ITIH2: variants seen among roughly 807,000 people sequenced by gnomAD.
The protein encoded by ITIH2 is inter-alpha-trypsin inhibitor heavy chain H2.
Under a neutral mutation model 104.4 loss-of-function variants are expected in ITIH2, and 103 were observed. The ratio of observed to expected loss-of-function variants is 0.99; its 90% CI spans 0.84 to 1.16. ITIH2 has a LOEUF of 1.16. Ranked by LOEUF, ITIH2 falls within the 50% of genes most tolerant of loss-of-function variation. ITIH2 has a pLI of 0.00. For missense variants in ITIH2, 1,108 were observed against 1,162.4 expected (o/e 0.95, Z 0.68); for synonymous variants, 436 against 435.4 (o/e 1.00, Z -0.02).
chr10:7,723,053 CATGGAGTGGA>C (rs951789364), intron 8 of ITIH2, among the ~76,000 whole-genome samples: 1 of 132,776 alleles, frequency 7.5e-6, no homozygotes, highest in African/African-American at 2.8e-5. Context: ...AGTGAAGTGG[CATGGAGTGGA>C]GTGGAGCAGC....
At chr10:7,743,288 C>T in intron 17 of ITIH2, 29 bp downstream of exon 17, 1 of 1,154,194 alleles carries the variant, frequency 8.7e-7, no homozygotes, top group Non-Finnish European at 1.3e-6. Flanking sequence ...ATATTTGCAC[C>T]AATTAGGTCA....
chr10:7,717,773 G>A lies in ITIH2; in HGVS notation c.615G>A (p.Leu205=), dbSNP rs370987991. 388 of 1,610,650 alleles carry A rather than the reference G, an allele frequency of 2.4e-4. 1 individual carries two copies. Among genetic ancestry groups the A allele is most frequent in the Middle Eastern group, 6.5e-4 (3 of 4,644 alleles). ...GGATCTATCTGCAACCTGGACGGCTGGCCAAACACTTAGAGGTAAGCCTGG... is the reference window on the plus strand; with the variant it reads ...GGATCTATCTGCAACCTGGACGGCTAGCCAAACACTTAGAGGTAAGCCTGG... ...EHRIYLQPGR[L]AKHLEVDVWV... is the part of the protein sequence containing the mutation. The change falls in exon 6 of 21, where the codon CTG becomes CTA. Residue 205 remains leucine, a synonymous_variant. Transcript: ENST00000358415.
chr10:7,703,446 C>G lies in ITIH2; in HGVS notation c.12C>G (p.Leu4=). 2 of 1,613,604 alleles carry G rather than the reference C, an allele frequency of 1.2e-6. No homozygotes were observed. The highest frequency in any genetic ancestry group is 1.7e-6 in the Non-Finnish European group (2 of 1,179,514). ...AACTGTCCAGCAAAATGAAAAGACT[C>G]ACGTGCTTTTTCATCTGCTTCTTTC... MKR[L]TCFFICFFLS... Residue 4 remains leucine (L), a synonymous_variant, in exon 1 of 21, where the codon CTC becomes CTG. Transcript: ENST00000358415.
At chr10:7,728,743 G>A (rs11255320) in intron 11 of ITIH2, among the ~76,000 whole-genome samples, 21,641 of 151,878 alleles carry the variant, frequency 0.14, 1,595 homozygotes, top group East Asian at 0.21. Context: ...AAGTAATAGC[G>A]AATGCCAGAT....
chr10:7,727,643 T>G, intron 10 of ITIH2, 60 bp from the exon 11 acceptor site: 1 of 1,586,878 alleles, frequency 6.3e-7, no homozygotes, highest in Non-Finnish European at 8.6e-7. Context: ...GAATCCAGAA[T>G]GGGATTTTCT....
intron 7 of ITIH2, 57 bp from the exon 8 acceptor site, chr10:7,721,592 C>T (rs893453179): frequency 1.3e-6 from 2 of 1,546,136 alleles, no homozygotes; most frequent in Non-Finnish European, 1.8e-6. Context: ...GAAGGGGCAG[C>T]GCCAAGCACT....
At chr10:7,747,854 G>A (rs1305521153) in intron 20 of ITIH2, among the ~76,000 whole-genome samples, 4 of 152,116 alleles carry the variant, frequency 2.6e-5, no homozygotes, top group Admixed American at 1.3e-4. Flanking sequence ...ACTTATGATT[G>A]TGCCTCTGCA....
intron 20 of ITIH2, among the ~76,000 whole-genome samples, chr10:7,748,951 A>T (rs1835208229): frequency 6.6e-6 from 1 of 152,100 alleles, no homozygotes; most frequent in Non-Finnish European, 1.5e-5. Flanking sequence ...AAAAGCCCAT[A>T]TAGGTCAACT....
At chr10:7,747,501 G>A (rs549694855) in intron 20 of ITIH2, among the ~76,000 whole-genome samples, 1 of 152,326 alleles carries the variant, frequency 6.6e-6, no homozygotes, top group South Asian at 2.1e-4. Context: ...TGGGAGGAAT[G>A]AGGTACCGAC....
At position 7,738,710 on chromosome 10, in the gene ITIH2, C is replaced by G. The variant is rs1236314958; in HGVS notation, c.2047C>G (p.Gln683Glu). The change falls in exon 16 of 21, where the codon CAA becomes GAA. Residue 683 changes from glutamine to glutamate, a missense_variant. Gln to Glu is a conservative substitution (Grantham distance 29). Transcript: ENST00000358415. ...SPTPVISMLA[Q>E]GSQVLESTPP... ...AACGCCCGTGATCTCCATGCTGGCA[C>G]AAGGATCTCAGGTGCTAGAGTCCAC... 3 of 1,613,710 alleles carry G rather than the reference C, an allele frequency of 1.9e-6. No homozygotes were observed. The highest frequency in any genetic ancestry group is 2.5e-6 in the Non-Finnish European group (3 of 1,179,800).
intron 9 of ITIH2, 111 bp downstream of exon 9, chr10:7,723,678 G>T: frequency 2.6e-6 from 2 of 758,414 alleles, no homozygotes; most frequent in Admixed American, 2.1e-5. Flanking sequence ...GAAGCTCAGG[G>T]ACTGTGGTTA....
In ITIH2 at chr10:7,746,681, G is replaced by A; in HGVS notation, c.2670G>A (p.Lys890=). The part of the protein sequence containing the change: ...PEKPEASMEV[K]GQKLIITRGL... ...AGCCAGAGGCCAGCATGGAAGTGAA[G>A]GGGCAGAAGCTGATCATCACCAGGT... Residue 890 remains lysine, a synonymous_variant, in exon 20 of 21, where the codon AAG becomes AAA. Coordinates refer to ENST00000358415, the MANE Select transcript of ITIH2 (RefSeq NM_002216.3). 4.3e-6 allele frequency: 7 copies of A among 1,613,016 alleles called. No homozygotes were observed. The highest frequency in any genetic ancestry group is 5.9e-6 in the Non-Finnish European group (7 of 1,179,086).
Position 7,731,872 on chromosome 10 carries a change from C to A in ITIH2, c.1523C>A (p.Thr508Lys). Residue 508 changes from threonine to lysine, a missense_variant, in exon 13 of 21, where the codon ACA becomes AAA. Physicochemically the swap from Thr to Lys is moderately conservative, Grantham distance 78. Coordinates refer to ENST00000358415, the MANE Select transcript of ITIH2 (RefSeq NM_002216.3). ...LRNVQFNYPHTSVTDVTQNNF... is the reference protein window; with the variant it reads ...LRNVQFNYPHKSVTDVTQNNF... ...AATGTTCAGTTCAACTATCCCCATA[C>A]ATCAGTCACGGACGTCACTCAAAAC... 1 of 1,613,780 alleles carries A rather than the reference C, an allele frequency of 6.2e-7. No individual in the cohort carries two copies. Among genetic ancestry groups the A allele is most frequent in the Non-Finnish European group, 8.5e-7 (1 of 1,179,646 alleles).
At chr10:7,709,881 T>C (rs1834780610) in intron 4 of ITIH2, among the ~76,000 whole-genome samples, 1 of 151,812 alleles carries the variant, frequency 6.6e-6, no homozygotes, top group African/African-American at 2.4e-5. Flanking sequence ...TGAGATGGAG[T>C]CTCGCTCTGT....
chr10:7,709,210 G>A lies in ITIH2; in HGVS notation c.362+19G>A. On this transcript the variant is annotated intron_variant, in intron 4 of 20. Coordinates refer to ENST00000358415, the MANE Select transcript of ITIH2 (RefSeq NM_002216.3). ...TCTCCATGTGAGTAACTTCTGTGTA[G>A]AGCCAGAAATTGTAGGTGCTCTACT... 1 of 1,610,830 alleles carries A rather than the reference G, an allele frequency of 6.2e-7. No individual in the cohort carries two copies. Among genetic ancestry groups the A allele is most frequent in the Non-Finnish European group, 8.5e-7 (1 of 1,177,068 alleles).
chr10:7,721,562 C>T lies in ITIH2; in HGVS notation c.739-87C>T, dbSNP rs1834902775. The T allele has an allele frequency of 7.1e-6, 9 of 1,270,996 alleles. No individual in the cohort carries two copies. In the East Asian group the frequency reaches 2.1e-4, roughly 30 times the overall value. The allele number at this position is 1,270,996 out of a possible 1,614,324, so 78.7% of individuals were successfully genotyped here. ...GATTCAGAACGTCCATTGGGCAGCT[C>T]CTCTTCCCTGTGTGCTGGAGAAGGG... On this transcript the variant is annotated intron_variant, in intron 7 of 20. Transcript: ENST00000358415.
intron 9 of ITIH2, among the ~76,000 whole-genome samples, chr10:7,725,604 A>G (rs57572919): frequency 0.15 from 22,494 of 152,180 alleles, 1,711 homozygotes; most frequent in Admixed American, 0.21. Context: ...AGCCTGAGTG[A>G]CTAGAAGGAT....
At chr10:7,739,699 C>CAA (rs200730936) in intron 16 of ITIH2, among the ~76,000 whole-genome samples, 2 of 150,544 alleles carry the variant, frequency 1.3e-5, no homozygotes, top group African/African-American at 4.9e-5. Flanking sequence ...TTGAGACCAG[C>CAA]AAAAAAAACA....
chr10:7,714,424 G>A (rs1205512922), intron 5 of ITIH2, among the ~76,000 whole-genome samples: 1 of 151,854 alleles, frequency 6.6e-6, no homozygotes, highest in South Asian at 2.1e-4. Flanking sequence ...CGCCCGCCTC[G>A]GCCTCCCAAA....
Sources: gnomAD v4.1 joint callset for allele counts (sites outside exome capture counted in the v4.1 genomes callset) on GRCh38, gnomAD v4.1.1 for gene constraint, MANE v1.5 for transcripts, NCBI Gene and HGNC (gene_info 2026-07-23, HGNC 2026-07-21) for gene names.